TENM2: variants seen among roughly 807,000 people sequenced by gnomAD.
The protein encoded by TENM2 is teneurin-2.
Under a neutral mutation model 245.2 loss-of-function variants are expected in TENM2, and 52 were observed. The observed-to-expected ratio is 0.21, with a 90% confidence interval of 0.17 to 0.27. The LOEUF (loss-of-function observed/expected upper bound fraction) is 0.27, where lower values mean the gene tolerates loss of function less well. TENM2 is among the 10% of genes least tolerant of loss of function. The pLI, the probability that TENM2 is intolerant of heterozygous loss-of-function variation, is 1.00. For missense variants in TENM2, 3,046 were observed against 3,666.8 expected, an observed-to-expected ratio of 0.83 and a Z score of 4.37; for synonymous variants, 1,363 against 1,438.9, an observed-to-expected ratio of 0.95 and a Z score of 1.19.
At chr5:167,606,608 T>A (rs1214295888) in intron 2 of TENM2, among the ~76,000 whole-genome samples, 2 of 152,120 alleles carry the variant, frequency 1.3e-5, no homozygotes, top group Non-Finnish European at 2.9e-5. Context: ...TCCGTAATGC[T>A]AAGAGGGTAG....
intron 2 of TENM2, among the ~76,000 whole-genome samples, chr5:167,786,987 T>G (rs1017520401): frequency 3.3e-5 from 5 of 152,276 alleles, no homozygotes; most frequent in Non-Finnish European, 5.9e-5. Context: ...CTAGTCACTT[T>G]GCTAGGTATT....
At chr5:167,374,172 C>T (rs973312971) in intron 1 of TENM2, among the ~76,000 whole-genome samples, 16 of 152,340 alleles carry the variant, frequency 1.1e-4, no homozygotes, top group Admixed American at 2.6e-4. Flanking sequence ...ACATATACAA[C>T]ATGGTCTTGT....
intron 2 of TENM2, among the ~76,000 whole-genome samples, chr5:167,802,877 A>C (rs1192545660): frequency 6.6e-6 from 1 of 152,204 alleles, no homozygotes; most frequent in Non-Finnish European, 1.5e-5. Flanking sequence ...TTTCACTATG[A>C]GACTAGCAGG....
At chr5:167,145,781 T>C in the TENM2 span, among the ~76,000 whole-genome samples, 7 of 152,292 alleles carry the variant, frequency 4.6e-5, no homozygotes, top group African/African-American at 1.7e-4. Flanking sequence ...CTGCCCCTTG[T>C]TGAGAACGAT....
chr5:167,430,771 C>T (rs985997142), intron 2 of TENM2, among the ~76,000 whole-genome samples: 2 of 152,194 alleles, frequency 1.3e-5, no homozygotes, highest in Non-Finnish European at 2.9e-5. Flanking sequence ...TGACAGCTCT[C>T]ACAAAGTTTC....
Position 167,346,934 on chromosome 5 carries a change from C to A in TENM2, c.227-28264C>A, listed in dbSNP as rs144287687. On this transcript the variant is annotated intron_variant, in intron 1 of 28. Transcript: ENST00000518659. ...GAACTACAGGTGTACGCCTCCACAC[C>A]CAGCTATTTTTTTATATTTTGTAGA... 6.1e-4 allele frequency among the ~76,000 whole-genome samples: 93 copies of A among 152,092 alleles called. 1 individual carries two copies. In the East Asian group the frequency reaches 0.018, roughly 29 times the overall value.
intron 2 of TENM2, among the ~76,000 whole-genome samples, chr5:167,773,843 C>T (rs1763562034): frequency 6.6e-6 from 1 of 152,064 alleles, no homozygotes; most frequent in Non-Finnish European, 1.5e-5. Flanking sequence ...AACTGTGGCA[C>T]AGATGTTGTG....
chr5:167,705,991 ATTTATTTATTTATT>A (rs1344937496), intron 2 of TENM2, among the ~76,000 whole-genome samples: 1 of 72,842 alleles, frequency 1.4e-5, no homozygotes, highest in African/African-American at 1.0e-4. Flanking sequence ...ATATATATAT[ATTTATTTATTTATT>A]TATTTACTTA....
chr5:167,363,730 C>CAA (rs10659741), intron 1 of TENM2, among the ~76,000 whole-genome samples: 26,966 of 89,178 alleles, frequency 0.3, 4,832 homozygotes, highest in East Asian at 0.41. Context: ...GACTCCATCT[C>CAA]AAAAAAAAAA....
chr5:167,037,881 C>T, the TENM2 span, among the ~76,000 whole-genome samples: 2 of 152,192 alleles, frequency 1.3e-5, no homozygotes, highest in African/African-American at 4.8e-5. Flanking sequence ...AAGACCCACT[C>T]CCACTTCCAA....
the TENM2 span, among the ~76,000 whole-genome samples, chr5:167,101,869 A>ATATATATATATATATATATG: frequency 1.0e-4 from 13 of 125,752 alleles, 1 homozygote; most frequent in African/African-American, 2.0e-4. Context: ...ATATATATAT[A>ATATATATATATATATATATG]TATATATGCA....
intron 2 of TENM2, among the ~76,000 whole-genome samples, chr5:167,684,501 T>A (rs1282693249): frequency 1.3e-5 from 2 of 152,216 alleles, no homozygotes; most frequent in African/African-American, 4.8e-5. Context: ...AAAGAAATCT[T>A]GTGCTCTCAG....
chr5:168,175,926 A>C (rs992404280), intron 13 of TENM2, among the ~76,000 whole-genome samples: 5 of 152,162 alleles, frequency 3.3e-5, no homozygotes, highest in Admixed American at 1.3e-4. Context: ...GACGAGCAAC[A>C]CTAATATCAT....
At chr5:167,106,835 A>G in the TENM2 span, among the ~76,000 whole-genome samples, 1 of 152,202 alleles carries the variant, frequency 6.6e-6, no homozygotes, top group East Asian at 1.9e-4. Context: ...GGAACTGATT[A>G]TCTATAGTGG....
intron 7 of TENM2, among the ~76,000 whole-genome samples, chr5:168,067,106 TTCA>T (rs1207430711): frequency 6.6e-6 from 1 of 152,198 alleles, no homozygotes; most frequent in Non-Finnish European, 1.5e-5. Context: ...CTGCTGGGAC[TTCA>T]CCTTCTCCAC....
the TENM2 span, among the ~76,000 whole-genome samples, chr5:167,040,943 G>C: frequency 6.6e-6 from 1 of 152,136 alleles, no homozygotes; most frequent in African/African-American, 2.4e-5. Context: ...GCTGTTAATA[G>C]CTGTGAAGAG....
At chr5:167,500,528 A>T (rs553749763) in intron 2 of TENM2, among the ~76,000 whole-genome samples, 1 of 152,290 alleles carries the variant, frequency 6.6e-6, no homozygotes, top group African/African-American at 2.4e-5. Flanking sequence ...GGTGACCTAG[A>T]TTATTAGGAA....
At chr5:167,030,468 G>A in the TENM2 span, among the ~76,000 whole-genome samples, 2 of 152,032 alleles carry the variant, frequency 1.3e-5, no homozygotes, top group African/African-American at 2.4e-5. Context: ...TACCCCCAGC[G>A]CTTTCTCTCT....
At chr5:167,349,674 A>G (rs2127837014) in intron 1 of TENM2, among the ~76,000 whole-genome samples, 1 of 152,226 alleles carries the variant, frequency 6.6e-6, no homozygotes, top group Non-Finnish European at 1.5e-5. Context: ...TATGCAGTAT[A>G]TGTGTGTGTA....
Sources: gnomAD v4.1 joint callset for allele counts (sites outside exome capture counted in the v4.1 genomes callset) on GRCh38, gnomAD v4.1.1 for gene constraint, MANE v1.5 for transcripts, NCBI Gene and HGNC (gene_info 2026-07-23, HGNC 2026-07-21) for gene names.